Variants in OR4E2 observed in about 807,000 individuals in gnomAD.
The protein encoded by OR4E2 is olfactory receptor 4E2.
A neutral mutation model predicts 11.0 loss-of-function variants in OR4E2; 9 were observed. The ratio of observed to expected loss-of-function variants is 0.82; its 90% confidence interval spans 0.49 to 1.43. OR4E2 has a LOEUF of 1.43. Among genes scored for constraint, OR4E2 ranks in the 40% most tolerant of loss-of-function variants. The probability of loss-of-function intolerance (pLI) is 0.00; values close to 1 mark genes in which losing one functional copy is unlikely to be tolerated. For missense variants in OR4E2, 441 were observed against 382.0 expected, an observed-to-expected ratio of 1.15 and a Z score of -1.29; for synonymous variants, 159 against 147.3, an observed-to-expected ratio of 1.08 and a Z score of -0.57.
intron 3 of OR4E2, among the ~76,000 whole-genome samples, chr14:21,661,571 C>T (rs1268729322): frequency 6.6e-6 from 1 of 152,134 alleles, no homozygotes. Context: ...CTGATGGGTC[C>T]AATTGTCAGA....
rs1359327048 is a variant in OR4E2, at chr14:21,665,107, G to A, written c.25G>A (p.Val9Met). MDSLNQTR[V>M]TEFVFLGLTD... ...AATGGACAGTCTAAACCAAACAAGA[G>A]TGACTGAATTTGTCTTCTTGGGACT... The change falls in exon 4 of 4, where the codon GTG becomes ATG. Residue 9 changes from valine to methionine, a missense_variant. Val to Met is a conservative substitution (Grantham distance 21). Coordinates refer to ENST00000641524, the MANE Select transcript of OR4E2 (RefSeq NM_001001912.3). 3.1e-6 allele frequency: 5 copies of A among 1,611,450 alleles called. No homozygotes were observed. In the Admixed American group the frequency reaches 8.3e-5, roughly 27 times the overall value.
At chr14:21,655,560 C>T (rs1175741335) in intron 1 of OR4E2, among the ~76,000 whole-genome samples, 1 of 152,076 alleles carries the variant, frequency 6.6e-6, no homozygotes, top group Non-Finnish European at 1.5e-5. Flanking sequence ...GTAGTCCCAG[C>T]CACTGGGAAC....
At position 21,660,689 on chromosome 14, in the gene OR4E2, C is replaced by T. The variant is rs962256448; in HGVS notation, c.-66C>T. The T allele has an allele frequency of 6.7e-6, 1 of 149,214 alleles. No homozygotes were observed. The highest frequency in any genetic ancestry group is 2.5e-5 in the African/African-American group (1 of 40,298). 9.2% of individuals were successfully genotyped at this position (149,214 alleles called of 1,614,324 possible). ...CTGTGCTGCCTAGGCAGACCTTGAA[C>T]TTCTGGACTTAAGCGATAGATCCTC... On this transcript the variant is annotated 5_prime_UTR_variant, in exon 3 of 4. Transcript: ENST00000641524.
Position 21,665,782 on chromosome 14 carries a change from C to T in OR4E2, c.700C>T (p.Arg234Trp), listed in dbSNP as rs768351804. 65 of 1,613,798 alleles carry T rather than the reference C, an allele frequency of 4.0e-5. No individual in the cohort carries two copies. The highest frequency in any genetic ancestry group is 1.6e-4 in the Middle Eastern group (1 of 6,082). Residue 234 changes from arginine to tryptophan, a missense_variant, in exon 4 of 4, where the codon CGG (arginine) becomes TGG (tryptophan). Arg to Trp is a moderately radical substitution (Grantham distance 101). Transcript: ENST00000641524. ...TCGAAAACACTCAGCTGAAGGGCGC[C>T]GGAAAGCCCTGTCTACCTGCTCGGC... ...SLRKHSAEGR[R>W]KALSTCSAHF...
chr14:21,665,464 A>G lies in OR4E2; in HGVS notation c.382A>G (p.Thr128Ala), dbSNP rs746048555. ...GTATGATCGTTACGTGGCTATCTGC[A>G]CTCCACTCCACTACCCCAATGTGAT... Reference protein sequence around the residue: ...MAYDRYVAICTPLHYPNVMNM... With the variant: ...MAYDRYVAICAPLHYPNVMNM... Residue 128 changes from threonine (T) to alanine (A), a missense_variant, in exon 4 of 4, where the codon ACT becomes GCT. Coordinates refer to ENST00000641524, the MANE Select transcript of OR4E2 (RefSeq NM_001001912.3). 1.2e-6 allele frequency: 2 copies of G among 1,613,554 alleles called. No homozygotes were observed. Among genetic ancestry groups the G allele is most frequent in the African/African-American group, 2.7e-5 (2 of 74,916 alleles).
At chr14:21,662,323 G>T (rs146813951) in intron 3 of OR4E2, among the ~76,000 whole-genome samples, 137 of 151,926 alleles carry the variant, frequency 9.0e-4, no homozygotes, top group African/African-American at 3.1e-3. Context: ...TTCAGACGGA[G>T]TCTTGCTCTG....
Position 21,660,496 on chromosome 14 carries a change from G to A in OR4E2, c.-102-157G>A, listed in dbSNP as rs560623016. Among the ~76,000 whole-genome samples, 6 of 152,352 alleles carry A rather than the reference G, an allele frequency of 3.9e-5. No homozygotes were observed. In the South Asian group the frequency reaches 6.2e-4, roughly 16 times the overall value. On this transcript the variant is annotated intron_variant, in intron 2 of 3. Coordinates refer to ENST00000641524, the MANE Select transcript of OR4E2 (RefSeq NM_001001912.3). ...ATTGGAGCTGAAAGGAAGAGTGGTA[G>A]GAGACGAGGTCAGAGAGGAAATGGG...
chr14:21,662,106 T>G (rs554423217), intron 3 of OR4E2, among the ~76,000 whole-genome samples: 10 of 149,608 alleles, frequency 6.7e-5, no homozygotes, highest in Non-Finnish European at 1.5e-4. Context: ...TCATACTTAT[T>G]TGTCATTTGA....
intron 3 of OR4E2, among the ~76,000 whole-genome samples, chr14:21,662,599 T>A (rs950194934): frequency 6.6e-6 from 1 of 152,118 alleles, no homozygotes; most frequent in Non-Finnish European, 1.5e-5. Flanking sequence ...CACGCCTGGC[T>A]GGCATTATAT....
chr14:21,666,575 T>C lies in OR4E2; in HGVS notation c.*551T>C, dbSNP rs1880662485. 1 of 152,156 alleles carries C rather than the reference T, an allele frequency of 6.6e-6. No homozygotes were observed. The highest frequency in any genetic ancestry group is 2.4e-5 in the African/African-American group (1 of 41,452). 9.4% of individuals were successfully genotyped at this position (152,156 alleles called of 1,614,324 possible). The stretch of plus-strand genomic sequence containing the variant: ...TTGTACTTTTTTTTTGAGACAGGAA[T>C]TTTTTGTACTATTCCTGCAACTTCC... On this transcript the variant is annotated 3_prime_UTR_variant, in exon 4 of 4. Transcript: ENST00000641524.
At chr14:21,663,407 A>G (rs28700950) in intron 3 of OR4E2, among the ~76,000 whole-genome samples, 128,239 of 151,914 alleles carry the variant, frequency 0.84, 54,324 homozygotes, top group Non-Finnish European at 0.87. Context: ...GTGAACCTGG[A>G]AGGCGGAGCT....
chr14:21,657,432 C>CTTCT (rs1446785899), intron 2 of OR4E2, among the ~76,000 whole-genome samples: 1 of 98,592 alleles, frequency 1.0e-5, no homozygotes, highest in Non-Finnish European at 2.0e-5. Flanking sequence ...CTCTTTCTTT[C>CTTCT]TTCTTTCTTT....
intron 2 of OR4E2, among the ~76,000 whole-genome samples, chr14:21,659,916 AGATCAGGATAAAGGG>A (rs1880223384): frequency 6.6e-6 from 1 of 152,090 alleles, no homozygotes; most frequent in Non-Finnish European, 1.5e-5. Flanking sequence ...TAAAAAAGGT[AGATCAGGATAAAGGG>A]GATCAGGAGT....
chr14:21,654,528 T>C (rs757054815), intron 1 of OR4E2, among the ~76,000 whole-genome samples: 22 of 151,874 alleles, frequency 1.4e-4, no homozygotes, highest in African/African-American at 3.4e-4. Context: ...CATGGGAGGA[T>C]TGGTTTCCAG....
intron 2 of OR4E2, among the ~76,000 whole-genome samples, chr14:21,658,782 G>A (rs12889057): frequency 0.32 from 48,919 of 151,904 alleles, 8,289 homozygotes; most frequent in Non-Finnish European, 0.36. Context: ...CAAAGAGCAG[G>A]AAGAGATAGA....
At chr14:21,658,633 G>T (rs1880145177) in intron 2 of OR4E2, among the ~76,000 whole-genome samples, 1 of 152,118 alleles carries the variant, frequency 6.6e-6, no homozygotes, top group African/African-American at 2.4e-5. Context: ...TGGGGTCAGG[G>T]AGTAGAGGTC....
rs575903677 is a variant in OR4E2 at position 21,656,970 on chromosome 14, G to A, written c.-103+381G>A. On this transcript the variant is annotated intron_variant, in intron 2 of 3. Coordinates refer to ENST00000641524, the MANE Select transcript of OR4E2 (RefSeq NM_001001912.3). ...CCGTAGGTTATGGAGTCTTGAGGTT[G>A]TAAGGGATCAAGACCATCACTTCTG... Among the ~76,000 whole-genome samples, 3 of 152,296 alleles carry A rather than the reference G, an allele frequency of 2.0e-5. No homozygotes were observed. In the South Asian group the frequency reaches 6.2e-4, roughly 32 times the overall value.
intron 2 of OR4E2, among the ~76,000 whole-genome samples, chr14:21,658,515 T>C (rs1880139098): frequency 6.6e-6 from 1 of 152,196 alleles, no homozygotes; most frequent in Admixed American, 6.5e-5. Flanking sequence ...TGCCAAGGAT[T>C]GAGCCTTTAG....
At chr14:21,657,414 CT>C (rs1219230980) in intron 2 of OR4E2, among the ~76,000 whole-genome samples, 5 of 133,040 alleles carry the variant, frequency 3.8e-5, no homozygotes, top group Admixed American at 2.4e-4. Context: ...TCCTTTCTTT[CT>C]TTCTTTCTCT....
Sources: allele counts gnomAD v4.1 joint callset (sites outside exome capture counted in the v4.1 genomes callset), GRCh38; gene constraint gnomAD v4.1.1; transcripts MANE v1.5; gene names NCBI Gene and HGNC (gene_info 2026-07-23, HGNC 2026-07-21).